ADAMTS13: variants seen among roughly 807,000 people sequenced by gnomAD.
ADAMTS13 encodes the protein ADAM metallopeptidase with thrombospondin type 1 motif 13.
Under a neutral mutation model 155.1 loss-of-function variants are expected in ADAMTS13, and 110 were observed. That is an observed-to-expected ratio of 0.71 (90% CI 0.61 to 0.83). ADAMTS13 has a LOEUF of 0.83. Among genes scored for constraint, ADAMTS13 ranks in the 40% least tolerant of loss-of-function variants. The pLI is 0.00. For missense variants in ADAMTS13, 1,707 were observed against 1,891.7 expected (o/e 0.90, Z 1.81); for synonymous variants, 758 against 756.4 (o/e 1.00, Z -0.03).
intron 19 of ADAMTS13, among the ~76,000 whole-genome samples, chr9:133,444,495 C>T (rs1841921407): frequency 6.6e-6 from 1 of 152,152 alleles, no homozygotes; most frequent in Admixed American, 6.5e-5. Flanking sequence ...TTTGTAGAAA[C>T]AGGGTTTTGC....
At chr9:133,415,121 T>C in intron 1 of ADAMTS13, 1 of 822,124 alleles carries the variant, frequency 1.2e-6, no homozygotes. Flanking sequence ...CAAACACATC[T>C]ATACAATTCC....
intron 28 of ADAMTS13, 88 bp from the exon 29 acceptor site, chr9:133,458,886 G>A (rs1368832592): frequency 5.8e-6 from 7 of 1,202,938 alleles, no homozygotes; most frequent in Non-Finnish European, 8.4e-6. Flanking sequence ...ATGTGATCCG[G>A]AATCTGTGAG....
rs1554785218 is a variant in ADAMTS13, at chr9:133,426,191, TCACCG to T, written c.540-7_540-3del. The T allele has an allele frequency of 6.2e-7, 1 of 1,613,982 alleles. No individual in the cohort carries two copies. Among genetic ancestry groups the T allele is most frequent in the South Asian group, 1.1e-5 (1 of 91,082 alleles). ...GCACCACCCAAGTGACTGTTTTCTC[TCACCG>T]AGGTTTGACCTGGAGTTGCCTGATG... On this transcript the variant is annotated splice_region_variant and splice_polypyrimidine_tract_variant and intron_variant, in intron 5 of 28. Coordinates refer to ENST00000355699, the MANE Select transcript of ADAMTS13 (RefSeq NM_139027.6).
intron 18 of ADAMTS13, among the ~76,000 whole-genome samples, 183 bp from the exon 19 acceptor site, chr9:133,443,193 C>A (rs1841806314): frequency 6.6e-6 from 1 of 152,210 alleles, no homozygotes; most frequent in East Asian, 1.9e-4. Flanking sequence ...TGCTCACCAG[C>A]CTGTGATTCG....
chr9:133,455,309 A>G lies in ADAMTS13; in HGVS notation c.3274A>G (p.Ile1092Val). 6.2e-7 allele frequency: 1 copy of G among 1,604,276 alleles called. No homozygotes were observed. Residue 1092 changes from isoleucine to valine, a missense_variant, in exon 25 of 29, where the codon ATC becomes GTC. Physicochemically the swap from Ile to Val is conservative, Grantham distance 29. This residue lies in a region of ADAMTS13 where 961 missense variants were observed against 1,107.9 expected (regional missense o/e 0.87). Transcript: ENST00000355699. ...MECSVSCGDG[I>V]QRRRDTCLGP... is the part of the protein sequence containing the mutation. ...GTGCTCTGTTTCCTGTGGGGATGGC[A>G]TCCAGCGCCGGCGTGACACCTGCCT...
chr9:133,448,775 G>C (rs1246940080), intron 22 of ADAMTS13, 47 bp downstream of exon 22: 1 of 1,586,698 alleles, frequency 6.3e-7, no homozygotes. Context: ...CCCTGTAAGT[G>C]GGAGACCCGA....
At chr9:133,415,288 C>T (rs1839511757) in intron 1 of ADAMTS13, among the ~76,000 whole-genome samples, 1 of 152,286 alleles carries the variant, frequency 6.6e-6, no homozygotes, top group East Asian at 1.9e-4. Context: ...ACTCATTCTA[C>T]ACCTTGGGTA....
rs1554790511 is a variant in ADAMTS13 at position 133,440,657 on chromosome 9, C to T, written c.1968+132C>T. 2 of 1,151,672 alleles carry T rather than the reference C, an allele frequency of 1.7e-6. No homozygotes were observed. The highest frequency in any genetic ancestry group is 3.1e-5 in the African/African-American group (2 of 64,484). The allele number at this position is 1,151,672 out of a possible 1,614,324, so 71.3% of individuals were successfully genotyped here. A position where few individuals can be genotyped will look rare whatever the true frequency, so the allele number is the denominator to read the frequency against. On this transcript the variant is annotated intron_variant, in intron 16 of 28. Transcript: ENST00000355699. This position sits in a 1 kb window ranked among gnomAD's most constrained non-coding sequence, Gnocchi z 4.3. ...TCAGCGGTCACTTACAGGGGACCCA[C>T]TATGTGTTGGGCCCTGTGCTAGGCA...
intron 6 of ADAMTS13, among the ~76,000 whole-genome samples, chr9:133,427,305 A>G (rs1554785540): frequency 6.6e-6 from 1 of 152,184 alleles, no homozygotes; most frequent in African/African-American, 2.4e-5. Flanking sequence ...ACTCTTACCT[A>G]TAACCATTTA....
intron 1 of ADAMTS13, chr9:133,415,997 T>G (rs1839573302): frequency 6.6e-6 from 1 of 152,280 alleles, no homozygotes; most frequent in Admixed American, 6.5e-5. Context: ...AAACCCCATC[T>G]GTATTAGTTC....
In ADAMTS13 at chr9:133,445,642, G is replaced by T. The variant is rs1842006595; in HGVS notation, c.2611-57G>T. 29 of 1,611,428 alleles carry T rather than the reference G, an allele frequency of 1.8e-5. No homozygotes were observed. Among genetic ancestry groups the T allele is most frequent in the Non-Finnish European group, 2.4e-5 (28 of 1,179,662 alleles). On this transcript the variant is annotated intron_variant, in intron 20 of 28. Coordinates refer to ENST00000355699, the MANE Select transcript of ADAMTS13 (RefSeq NM_139027.6). This position sits in a 1 kb window ranked among gnomAD's most constrained non-coding sequence, Gnocchi z 5.0. Reference sequence around the variant, plus strand: ...TGCTGCCTGAGAAGATCGAGACGGGGATCGCTGGGTCCTCAGAGGAGGCCC... The same window carrying T: ...TGCTGCCTGAGAAGATCGAGACGGGTATCGCTGGGTCCTCAGAGGAGGCCC...
At position 133,448,728 on chromosome 9, in the gene ADAMTS13, G is replaced by GGT; in HGVS notation, c.2861+2_2861+3dup. On this transcript the variant is annotated frameshift_variant and splice_region_variant. Transcript: ENST00000355699. LOFTEE classifies it high-confidence loss of function. ...TGCCAGGCTGTCCCGTGCCCTGCTC[G>GGT]GTGAGTGAGGGGAGCAAGACTGTGT... The GGT allele has an allele frequency of 6.2e-7, 1 of 1,600,102 alleles. No individual in the cohort carries two copies. Among genetic ancestry groups the GGT allele is most frequent in the Non-Finnish European group, 8.5e-7 (1 of 1,179,692 alleles).
intron 23 of ADAMTS13, among the ~76,000 whole-genome samples, chr9:133,451,125 G>C (rs1448836131): frequency 2.0e-5 from 3 of 152,158 alleles, no homozygotes; most frequent in Admixed American, 2.0e-4. Flanking sequence ...TTGTAGGTTT[G>C]CATTTTTAGT....
intron 11 of ADAMTS13, among the ~76,000 whole-genome samples, chr9:133,435,055 C>T (rs924898379): frequency 1.3e-5 from 2 of 152,198 alleles, no homozygotes; most frequent in Non-Finnish European, 2.9e-5. Flanking sequence ...GTGTTTTCAC[C>T]TTTTGGCTCC....
At chr9:133,438,773 G>T (rs2130856945) in intron 14 of ADAMTS13, among the ~76,000 whole-genome samples, 1 of 152,178 alleles carries the variant, frequency 6.6e-6, no homozygotes, top group Admixed American at 6.5e-5. Context: ...AATTAGCTGG[G>T]CATGATGGCG....
chr9:133,426,885 C>T (rs1840318828), intron 6 of ADAMTS13, among the ~76,000 whole-genome samples: 2 of 151,990 alleles, frequency 1.3e-5, no homozygotes, highest in South Asian at 4.1e-4. Context: ...CTCATTGCAA[C>T]CTCCACCTCC....
At chr9:133,434,858 A>G (rs1841057836) in intron 11 of ADAMTS13, among the ~76,000 whole-genome samples, 1 of 152,078 alleles carries the variant, frequency 6.6e-6, no homozygotes. Context: ...TGTTCTAGAC[A>G]TGCCACGTAC....
intron 23 of ADAMTS13, among the ~76,000 whole-genome samples, chr9:133,451,681 A>C (rs1479755797): frequency 6.6e-6 from 1 of 152,198 alleles, no homozygotes; most frequent in East Asian, 1.9e-4. Flanking sequence ...ATTTGAGCCC[A>C]GGAGTTTGAG....
chr9:133,418,622 G>A (rs1433971365), upstream of ADAMTS13, among the ~76,000 whole-genome samples: 1 of 152,200 alleles, frequency 6.6e-6, no homozygotes, highest in East Asian at 1.9e-4. Flanking sequence ...ACCCTAAGGG[G>A]GTCTGTGTGA....
Sources: gnomAD v4.1 joint callset for allele counts (sites outside exome capture counted in the v4.1 genomes callset) on GRCh38, gnomAD v4.1.1 for gene constraint, gnomAD v4.1.1 regional missense constraint, Gnocchi (gnomAD v3.1) non-coding constraint, MANE v1.5 for transcripts, NCBI Gene and HGNC (gene_info 2026-07-23, HGNC 2026-07-21) for gene names.